PAK3: variants seen among roughly 807,000 people sequenced by gnomAD.
PAK3 encodes the protein serine/threonine-protein kinase PAK 3.
Under a neutral mutation model 41.0 loss-of-function variants are expected in PAK3, and 4 were observed. The observed-to-expected ratio is 0.10, with a 90% CI of 0.05 to 0.22. PAK3 has a LOEUF of 0.22. Among genes scored for constraint, PAK3 ranks in the 10% least tolerant of loss-of-function variants. PAK3 has a pLI of 1.00. For synonymous variants in PAK3, 146 were observed against 139.6 expected (o/e 1.05, Z -0.32); for missense variants, 205 against 409.9 (o/e 0.50, Z 4.32).
intron 1 of PAK3, among the ~76,000 whole-genome samples, chrX:111,055,539 A>C (rs753114548): frequency 4.6e-4 from 52 of 112,194 alleles, no homozygotes; most frequent in Non-Finnish European, 8.4e-4. Flanking sequence ...AATTCAATGG[A>C]CTTTCTAAAT....
At chrX:111,102,400 A>C (rs953391694) in intron 3 of PAK3, among the ~76,000 whole-genome samples, 11 of 112,368 alleles carry the variant, frequency 9.8e-5, no homozygotes. Context: ...GAGAAGGTAG[A>C]GGGAAGCTCC....
intron 11 of PAK3, among the ~76,000 whole-genome samples, chrX:111,188,802 G>A (rs1412847408): frequency 1.8e-5 from 2 of 112,318 alleles, no homozygotes; most frequent in African/African-American, 6.5e-5. Context: ...ATTCTCTACA[G>A]CCCTGTGAAA....
chrX:110,986,955 C>T (rs2091555602), intron 1 of PAK3, among the ~76,000 whole-genome samples: 1 of 112,019 alleles, frequency 8.9e-6, no homozygotes, highest in African/African-American at 3.2e-5. Flanking sequence ...ACTACAAACA[C>T]CACTGTCTGT....
At chrX:111,203,673 G>A (rs2094708293) in intron 16 of PAK3, among the ~76,000 whole-genome samples, 1 of 111,715 alleles carries the variant, frequency 9.0e-6, no homozygotes, top group Non-Finnish European at 1.9e-5. Flanking sequence ...GGCTTATATG[G>A]CTAGAGAAGA....
In PAK3 at chrX:111,207,026, A is replaced by C. The variant is rs965449060; in HGVS notation, c.1408-9395A>C. On this transcript the variant is annotated intron_variant, in intron 16 of 17. Transcript: ENST00000372007. ...AAGAATCAGATTAGGAGTCAGTTGCAGGCAACAACCAGCTGCATATAAACC... is the reference window on the plus strand; with the variant it reads ...AAGAATCAGATTAGGAGTCAGTTGCCGGCAACAACCAGCTGCATATAAACC... 9.1e-5 allele frequency among the ~76,000 whole-genome samples: 10 copies of C among 109,925 alleles called. No homozygotes were observed. In the Admixed American group the frequency reaches 9.8e-4, roughly 11 times the overall value.
rs199635128 is a variant in PAK3 at position 111,084,632 on chromosome X, AT to A, written c.-27-38437del. On this transcript the variant is annotated intron_variant, in intron 1 of 14. Transcript: ENST00000425146. ...GCTGCGATGTGGATGGATGACACCC[AT>A]TTTTTTTCTAGTTAAGCAGAGTAAC... 7.0e-3 allele frequency among the ~76,000 whole-genome samples: 782 copies of A among 110,938 alleles called. 6 individuals carry two copies. Among genetic ancestry groups the A allele is most frequent in the African/African-American group, 0.024 (740 of 30,484 alleles).
intron 16 of PAK3, among the ~76,000 whole-genome samples, chrX:111,197,791 G>T (rs1217913223): frequency 1.8e-5 from 2 of 111,077 alleles, no homozygotes; most frequent in Non-Finnish European, 3.8e-5. Flanking sequence ...CTGCCCACTA[G>T]GTTCAAGTGA....
At chrX:111,074,429 C>T (rs1311885108) in intron 1 of PAK3, among the ~76,000 whole-genome samples, 1 of 111,473 alleles carries the variant, frequency 9.0e-6, no homozygotes, top group East Asian at 2.8e-4. Context: ...CTCACTCTTG[C>T]CATGTGTCAT....
At chrX:111,188,509 G>T (rs1284470980) in intron 11 of PAK3, among the ~76,000 whole-genome samples, 1 of 111,563 alleles carries the variant, frequency 9.0e-6, no homozygotes, top group African/African-American at 3.3e-5. Context: ...CACTTCCCTA[G>T]GGGGGGAGAA....
chrX:111,066,130 T>C (rs1041034957), intron 1 of PAK3, among the ~76,000 whole-genome samples: 1 of 111,881 alleles, frequency 8.9e-6, no homozygotes, highest in Non-Finnish European at 1.9e-5. Context: ...CTAGTTCCTC[T>C]AGGTGTGATG....
At chrX:111,141,812 C>A (rs2149090252) in intron 5 of PAK3, among the ~76,000 whole-genome samples, 1 of 111,696 alleles carries the variant, frequency 9.0e-6, no homozygotes, top group African/African-American at 3.2e-5. Context: ...ACACAATATC[C>A]CTAGATATCT....
chrX:111,013,029 C>T (rs944297208), intron 1 of PAK3, among the ~76,000 whole-genome samples: 1 of 112,194 alleles, frequency 8.9e-6, no homozygotes, highest in African/African-American at 3.2e-5. Context: ...CTCAGCTTCC[C>T]AAAGTCTTGG....
chrX:111,023,046 C>G (rs950725234), intron 1 of PAK3, among the ~76,000 whole-genome samples: 11 of 110,577 alleles, frequency 9.9e-5, no homozygotes, highest in Non-Finnish European at 5.7e-5. Context: ...CCCCCAGGCC[C>G]CCACTCACTG....
At chrX:110,959,947 A>C (rs1382536819) in intron 1 of PAK3, among the ~76,000 whole-genome samples, 1 of 112,044 alleles carries the variant, frequency 8.9e-6, no homozygotes, top group Non-Finnish European at 1.9e-5. Context: ...TGCTCCCTGT[A>C]AGTGTCATGG....
chrX:111,114,213 T>C (rs1201713530), intron 4 of PAK3, among the ~76,000 whole-genome samples: 1 of 112,277 alleles, frequency 8.9e-6, no homozygotes, highest in African/African-American at 3.2e-5. Context: ...CTGTATGACA[T>C]ACATTTTACA....
chrX:111,139,592 G>A (rs1367766274), intron 5 of PAK3, among the ~76,000 whole-genome samples: 2 of 111,882 alleles, frequency 1.8e-5, no homozygotes, highest in Non-Finnish European at 3.8e-5. Flanking sequence ...AGCAAACTTG[G>A]GCTTCCTGCC....
intron 1 of PAK3, among the ~76,000 whole-genome samples, chrX:111,002,568 A>G: frequency 1.8e-5 from 2 of 111,780 alleles, no homozygotes; most frequent in Middle Eastern, 9.2e-3. Context: ...AAGAGGTGCT[A>G]AGGGGCTATC....
At chrX:110,952,159 G>C (rs1388987820) in intron 1 of PAK3, among the ~76,000 whole-genome samples, 1 of 112,144 alleles carries the variant, frequency 8.9e-6, no homozygotes, top group East Asian at 2.8e-4. Flanking sequence ...TCATCTTCTT[G>C]TGCCTGTTTT....
chrX:111,160,708 C>T (rs1234620490), intron 8 of PAK3, among the ~76,000 whole-genome samples: 12 of 111,041 alleles, frequency 1.1e-4, no homozygotes, highest in East Asian at 8.5e-4. Flanking sequence ...TGAGTGAGAA[C>T]ATGTGGTGTT....
Sources: allele counts gnomAD v4.1 joint callset (sites outside exome capture counted in the v4.1 genomes callset), GRCh38; gene constraint gnomAD v4.1.1; transcripts MANE v1.5; gene names NCBI Gene and HGNC (gene_info 2026-07-23, HGNC 2026-07-21).